Variants in BMPR1A observed in about 807,000 individuals in gnomAD.
The protein encoded by BMPR1A is bone morphogenetic protein receptor type 1A.
In BMPR1A, 7 loss-of-function variants were observed where a neutral mutation model predicts 66.0. The ratio of observed to expected loss-of-function variants is 0.11; its 90% CI spans 0.06 to 0.20. The LOEUF is 0.20. Ranked by LOEUF, BMPR1A falls within the 10% of genes least tolerant of loss-of-function variation. The probability of loss-of-function intolerance (pLI) is 1.00; values close to 1 mark genes in which losing one functional copy is unlikely to be tolerated. For synonymous variants in BMPR1A, 200 were observed against 229.7 expected, an observed-to-expected ratio of 0.87 and a Z score of 1.17; for missense variants, 408 against 669.1, an observed-to-expected ratio of 0.61 and a Z score of 4.31.
chr10:86,845,599 C>T (rs1480454142), intron 2 of BMPR1A, among the ~76,000 whole-genome samples: 1 of 152,198 alleles, frequency 6.6e-6, no homozygotes, highest in Non-Finnish European at 1.5e-5. Flanking sequence ...CAGAGCACCA[C>T]GAAGGTCTGC....
At chr10:86,776,085 TC>T (rs1488709391) in intron 1 of BMPR1A, among the ~76,000 whole-genome samples, 1 of 152,190 alleles carries the variant, frequency 6.6e-6, no homozygotes, top group Non-Finnish European at 1.5e-5. Context: ...CAGCCTCTGT[TC>T]CCCTTCTTAG....
At chr10:86,894,150 C>T (rs957576316) in intron 5 of BMPR1A, among the ~76,000 whole-genome samples, 5 of 152,214 alleles carry the variant, frequency 3.3e-5, no homozygotes, top group African/African-American at 1.2e-4. Context: ...GCCCTGTTCC[C>T]TTTTTCTAAA....
intron 2 of BMPR1A, among the ~76,000 whole-genome samples, chr10:86,852,938 T>TA (rs1416679780): frequency 6.6e-6 from 1 of 152,196 alleles, no homozygotes; most frequent in African/African-American, 2.4e-5. Flanking sequence ...ATGAATTTTT[T>TA]AAAAAAAGAT....
At chr10:86,856,844 A>G (rs1842648184) in intron 2 of BMPR1A, among the ~76,000 whole-genome samples, 1 of 152,184 alleles carries the variant, frequency 6.6e-6, no homozygotes, top group South Asian at 2.1e-4. Context: ...GTTCCCATGA[A>G]TCCCCTCAAG....
chr10:86,875,859 T>C lies in BMPR1A; in HGVS notation c.-152-8T>C, dbSNP rs1206804533. 1.5e-6 allele frequency: 1 copy of C among 680,014 alleles called. No individual in the cohort carries two copies. Among genetic ancestry groups the C allele is most frequent in the Non-Finnish European group, 2.6e-6 (1 of 385,704 alleles). The allele number at this position is 680,014 out of a possible 1,614,324, so 42.1% of individuals were successfully genotyped here. A position where few individuals can be genotyped will look rare whatever the true frequency, so the allele number is the denominator to read the frequency against. ...ATTCCTTACCTTTTAAATATTTTTG[T>C]CTTTCAGGAGTCGTAAGAAAGCAGT... On this transcript the variant is annotated splice_region_variant and splice_polypyrimidine_tract_variant and intron_variant, in intron 2 of 12. Coordinates refer to ENST00000372037, the MANE Select transcript of BMPR1A (RefSeq NM_004329.3).
At chr10:86,839,659 G>A (rs570889102) in intron 2 of BMPR1A, among the ~76,000 whole-genome samples, 3 of 148,476 alleles carry the variant, frequency 2.0e-5, no homozygotes, top group Admixed American at 1.3e-4. Flanking sequence ...AAATTTTTAC[G>A]CTTTTTAGAA....
chr10:86,909,106 A>G (rs1213880876), intron 7 of BMPR1A, among the ~76,000 whole-genome samples: 2 of 151,516 alleles, frequency 1.3e-5, no homozygotes, highest in African/African-American at 2.4e-5. Context: ...ATGTAGTCAT[A>G]ATAATGCAAG....
chr10:86,803,764 A>T (rs929713273), intron 1 of BMPR1A, among the ~76,000 whole-genome samples: 2 of 152,158 alleles, frequency 1.3e-5, no homozygotes, highest in Non-Finnish European at 2.9e-5. Context: ...GACTTTTTCA[A>T]AAGTCGAGGA....
chr10:86,760,244 CTTTCTTTTTT>C (rs1841027333), intron 1 of BMPR1A, among the ~76,000 whole-genome samples: 1 of 27,824 alleles, frequency 3.6e-5, no homozygotes, highest in East Asian at 1.5e-3. Flanking sequence ...TTCTTTCTTT[CTTTCTTTTTT>C]TTTTTTTTTT....
intron 2 of BMPR1A, among the ~76,000 whole-genome samples, chr10:86,863,980 A>G (rs193117691): frequency 1.3e-5 from 2 of 152,350 alleles, no homozygotes; most frequent in Admixed American, 1.3e-4. Context: ...GTAAAATTGT[A>G]TTCATACATT....
intron 1 of BMPR1A, among the ~76,000 whole-genome samples, chr10:86,772,528 G>A (rs946792241): frequency 3.3e-5 from 5 of 152,048 alleles, no homozygotes; most frequent in South Asian, 2.1e-4. Flanking sequence ...TATTTGTATC[G>A]TTTCATAGAA....
intron 2 of BMPR1A, among the ~76,000 whole-genome samples, chr10:86,869,332 C>T (rs1473951970): frequency 6.6e-6 from 1 of 151,748 alleles, no homozygotes; most frequent in Non-Finnish European, 1.5e-5. Flanking sequence ...GTGGTGCGTA[C>T]CTGTAGTCCC....
At chr10:86,823,285 G>T (rs1448674149) in intron 1 of BMPR1A, among the ~76,000 whole-genome samples, 2 of 152,176 alleles carry the variant, frequency 1.3e-5, no homozygotes, top group African/African-American at 4.8e-5. Context: ...TGTTGATAGA[G>T]AACAATAACA....
intron 2 of BMPR1A, chr10:86,856,204 C>T: frequency 1.9e-6 from 1 of 524,800 alleles, no homozygotes; most frequent in Non-Finnish European, 3.8e-6. Flanking sequence ...TCATTCACTA[C>T]ATCGTTGTAG....
At chr10:86,932,408 G>C (rs1321355558), downstream of BMPR1A, 1 of 152,140 alleles carries the variant, frequency 6.6e-6, no homozygotes, top group Non-Finnish European at 1.5e-5. Context: ...TTGAGATAGG[G>C]TCTCACTCTG....
chr10:86,770,695 A>G (rs1195433488), intron 1 of BMPR1A, among the ~76,000 whole-genome samples: 1 of 152,164 alleles, frequency 6.6e-6, no homozygotes, highest in African/African-American at 2.4e-5. Flanking sequence ...TTTGAAGAGA[A>G]AGGAGGTGAT....
downstream of BMPR1A, chr10:86,930,863 C>T (rs1231061350): frequency 6.6e-6 from 1 of 152,190 alleles, no homozygotes; most frequent in Admixed American, 6.5e-5. Flanking sequence ...ACCTCAGCCT[C>T]CTGAGTAGCT....
intron 7 of BMPR1A, among the ~76,000 whole-genome samples, chr10:86,900,412 CTG>C (rs1459474461): frequency 2.0e-5 from 3 of 149,612 alleles, no homozygotes; most frequent in Non-Finnish European, 3.0e-5. Flanking sequence ...AAGAAACCCA[CTG>C]TGTTATAATT....
At chr10:86,857,406 A>G (rs888509702) in intron 2 of BMPR1A, among the ~76,000 whole-genome samples, 6 of 152,232 alleles carry the variant, frequency 3.9e-5, no homozygotes, top group Non-Finnish European at 4.4e-5. Context: ...TTTATTATAC[A>G]ATAATGACAA....
Sources: gnomAD v4.1 joint callset for allele counts (sites outside exome capture counted in the v4.1 genomes callset) on GRCh38, gnomAD v4.1.1 for gene constraint, MANE v1.5 for transcripts, NCBI Gene and HGNC (gene_info 2026-07-23, HGNC 2026-07-21) for gene names.